Variants in PCDH11X observed in about 807,000 individuals in gnomAD.
PCDH11X encodes the protein protocadherin-11 X-linked.
PCDH11X carries 18 observed loss-of-function variants against 53.3 expected under a neutral mutation model. The ratio of observed to expected loss-of-function variants is 0.34; its 90% confidence interval spans 0.23 to 0.50. The LOEUF is 0.50. PCDH11X is among the 20% of genes least tolerant of loss of function. PCDH11X has a pLI of 0.98. For synonymous variants in PCDH11X, 279 were observed against 393.3 expected (o/e 0.71, Z 3.44); for missense variants, 570 against 1,032.4 (o/e 0.55, Z 6.14).
At chrX:92,078,197 A>G (rs1392091128) in intron 6 of PCDH11X, among the ~76,000 whole-genome samples, 1 of 109,955 alleles carries the variant, frequency 9.1e-6, no homozygotes, top group Non-Finnish European at 1.9e-5. Flanking sequence ...AGATACTGGA[A>G]GACTTGGCAT....
At chrX:91,826,384 C>G (rs1054137244) in intron 4 of PCDH11X, among the ~76,000 whole-genome samples, 18 of 110,454 alleles carry the variant, frequency 1.6e-4, no homozygotes, top group African/African-American at 5.6e-4. Context: ...AAAGAACACA[C>G]AAGAAGTAGG....
At chrX:91,818,606 G>A (rs1936529723) in intron 4 of PCDH11X, among the ~76,000 whole-genome samples, 1 of 109,970 alleles carries the variant, frequency 9.1e-6, no homozygotes, top group Admixed American at 9.7e-5. Context: ...TCGGGAGGCT[G>A]AGGCAGGAGA....
chrX:91,867,407 T>C (rs1479380058), intron 5 of PCDH11X, among the ~76,000 whole-genome samples: 1 of 109,746 alleles, frequency 9.1e-6, no homozygotes, highest in East Asian at 2.8e-4. Context: ...TTACAGAAAA[T>C]TGGTGGCATT....
At position 91,932,699 on chromosome X, in the gene PCDH11X, T is replaced by TGTGC. The variant is rs1555966145; in HGVS notation, c.3033+53427_3033+53428insTGCG. Among the ~76,000 whole-genome samples the TGTGC allele has an allele frequency of 4.5e-3, 412 of 92,370 alleles. 1 individual carries two copies. Among genetic ancestry groups the TGTGC allele is most frequent in the African/African-American group, 0.018 (394 of 21,715 alleles). 80.2% of individuals were successfully genotyped at this position (92,370 alleles called of 115,157 possible). On this transcript the variant is annotated intron_variant, in intron 6 of 10. Transcript: ENST00000682573. ...GTGTGTGTGTGTGTGTGTGTGTGTGTGCGCGCGCGCGCGCCTGAGAAAGAG... is the reference window on the plus strand; with the variant it reads ...GTGTGTGTGTGTGTGTGTGTGTGTGTGTGCGCGCGCGCGCGCGCCTGAGAAAGAG...
intron 10 of PCDH11X, among the ~76,000 whole-genome samples, chrX:92,513,768 A>G (rs1375318629): frequency 1.6e-4 from 18 of 111,419 alleles, no homozygotes. Context: ...AGTATAAATT[A>G]TATACCAGGA....
chrX:91,986,272 T>C (rs1199931407), intron 6 of PCDH11X, among the ~76,000 whole-genome samples: 1 of 111,839 alleles, frequency 8.9e-6, no homozygotes, highest in Non-Finnish European at 1.9e-5. Flanking sequence ...GAATTCAAAG[T>C]AGTTTAGAGA....
At chrX:92,183,034 G>A (rs944959289) in intron 6 of PCDH11X, among the ~76,000 whole-genome samples, 4 of 110,730 alleles carry the variant, frequency 3.6e-5, no homozygotes, top group African/African-American at 1.3e-4. Context: ...TATTCTTAAC[G>A]CCTTTGTTTC....
chrX:92,471,233 T>C (rs1299779580), intron 10 of PCDH11X, among the ~76,000 whole-genome samples: 18 of 105,275 alleles, frequency 1.7e-4, no homozygotes, highest in Non-Finnish European at 3.3e-4. Context: ...CACCCATTAG[T>C]TGTTTTTCCT....
intron 10 of PCDH11X, among the ~76,000 whole-genome samples, chrX:92,551,763 T>C (rs953378898): frequency 6.3e-5 from 7 of 111,012 alleles, no homozygotes; most frequent in African/African-American, 2.3e-4. Flanking sequence ...TTAGTCTCCA[T>C]ACAAATATCC....
rs756553777 is a variant in PCDH11X, at chrX:92,396,095, A to G, written c.3343+8162A>G. On this transcript the variant is annotated intron_variant, in intron 9 of 10. Coordinates refer to ENST00000682573, the MANE Select transcript of PCDH11X (RefSeq NM_032968.5). The stretch of plus-strand genomic sequence containing the variant: ...AACATGCTGAATGATAATGATCTCT[A>G]TGTCAGGAAAACTAGCCACTTTTCA... Among the ~76,000 whole-genome samples the G allele has an allele frequency of 2.3e-4, 24 of 104,778 alleles. No homozygotes were observed. The East Asian group carries it at 6.6e-3, about 29-fold the overall frequency. 91.0% of individuals were successfully genotyped at this position (104,778 alleles called of 115,157 possible).
intron 9 of PCDH11X, among the ~76,000 whole-genome samples, chrX:92,401,344 T>C (rs867511300): frequency 2.2e-4 from 24 of 111,180 alleles, no homozygotes; most frequent in Middle Eastern, 4.6e-3. Flanking sequence ...GGAATAATAG[T>C]ATACTTGGCA....
At chrX:92,387,657 A>C in intron 8 of PCDH11X, 78 bp from the exon 9 acceptor site, 1 of 1,211,039 alleles carries the variant, frequency 8.3e-7, no homozygotes, top group Non-Finnish European at 1.1e-6. Flanking sequence ...AGCCGAAATA[A>C]TGCATTTTCT....
chrX:91,937,837 A>G (rs1025907114), intron 6 of PCDH11X, among the ~76,000 whole-genome samples: 2 of 110,767 alleles, frequency 1.8e-5, no homozygotes, highest in Non-Finnish European at 3.8e-5. Flanking sequence ...TGCAAATATG[A>G]CTTTTATAGC....
intron 8 of PCDH11X, among the ~76,000 whole-genome samples, chrX:92,352,648 C>T (rs928507202): frequency 9.0e-6 from 1 of 110,518 alleles, no homozygotes; most frequent in African/African-American, 3.3e-5. Context: ...CTCAAAGTTG[C>T]TGTTCAGATT....
chrX:92,271,237 G>C (rs774302641), intron 8 of PCDH11X, among the ~76,000 whole-genome samples: 1 of 111,767 alleles, frequency 8.9e-6, no homozygotes, highest in Non-Finnish European at 1.9e-5. Flanking sequence ...TTTACAAAAC[G>C]GTAACTTCTC....
At chrX:92,278,535 G>T (rs2068164158) in intron 8 of PCDH11X, among the ~76,000 whole-genome samples, 1 of 110,731 alleles carries the variant, frequency 9.0e-6, no homozygotes, top group African/African-American at 3.3e-5. Context: ...AGTCAAAGGG[G>T]GTTGTTCTCT....
chrX:92,096,724 C>A (rs1313627004), intron 6 of PCDH11X, among the ~76,000 whole-genome samples: 1 of 110,315 alleles, frequency 9.1e-6, no homozygotes, highest in African/African-American at 3.3e-5. Flanking sequence ...CATCAGATCT[C>A]ATGAGACTTA....
intron 8 of PCDH11X, among the ~76,000 whole-genome samples, chrX:92,294,290 C>CA (rs1180895386): frequency 9.1e-6 from 1 of 109,829 alleles, no homozygotes; most frequent in Non-Finnish European, 1.9e-5. Context: ...AACAGGCACC[C>CA]ACCACCACGC....
At chrX:92,347,021 G>A (rs1364911267) in intron 8 of PCDH11X, among the ~76,000 whole-genome samples, 2 of 111,230 alleles carry the variant, frequency 1.8e-5, no homozygotes, top group Non-Finnish European at 1.9e-5. Context: ...AATTATATAC[G>A]TATATTATGT....
Sources: allele counts gnomAD v4.1 joint callset (sites outside exome capture counted in the v4.1 genomes callset), GRCh38; gene constraint gnomAD v4.1.1; transcripts MANE v1.5; gene names NCBI Gene and HGNC (gene_info 2026-07-23, HGNC 2026-07-21).